The following PGPEP1L variants were observed in gnomAD, a reference collection of about 807,000 sequenced individuals.
PGPEP1L encodes the protein pyroglutamyl-peptidase 1-like protein.
In PGPEP1L, 7 loss-of-function variants were observed where a neutral mutation model predicts 6.0. That is an observed-to-expected ratio of 1.17 (90% CI 0.66 to 2.19). The LOEUF is 2.19. Ranked by LOEUF, PGPEP1L falls within the 30% of genes most tolerant of loss-of-function variation. The probability of loss-of-function intolerance (pLI) is 0.00; values close to 1 mark genes in which losing one functional copy is unlikely to be tolerated. For missense variants in PGPEP1L, 209 were observed against 192.5 expected (o/e 1.09, Z -0.51); for synonymous variants, 103 against 83.9 (o/e 1.23, Z -1.24).
At chr15:98,999,105 G>A (rs546909391) in intron 2 of PGPEP1L, among the ~76,000 whole-genome samples, 31 of 152,264 alleles carry the variant, frequency 2.0e-4, no homozygotes, top group Admixed American at 3.3e-4. Context: ...ACTAGATTCC[G>A]TCAAAATTAA....
intron 2 of PGPEP1L, among the ~76,000 whole-genome samples, chr15:99,002,568 TAATATGTC>T (rs1326001250): frequency 6.6e-6 from 1 of 152,242 alleles, no homozygotes; most frequent in Admixed American, 6.5e-5. Context: ...TTGAAAATGT[TAATATGTC>T]AATATCAGGA....
intron 1 of PGPEP1L, among the ~76,000 whole-genome samples, 153 bp downstream of exon 1, chr15:99,007,206 T>C (rs1326207626): frequency 1.3e-5 from 2 of 152,134 alleles, no homozygotes; most frequent in African/African-American, 2.4e-5. Flanking sequence ...CCTGAGAAGC[T>C]GGGCCCACCT....
At chr15:98,979,198 C>G (rs1013607715) in intron 2 of PGPEP1L, among the ~76,000 whole-genome samples, 1 of 152,054 alleles carries the variant, frequency 6.6e-6, no homozygotes, top group Non-Finnish European at 1.5e-5. Flanking sequence ...TTCATCAAAT[C>G]TAAGTCCCAG....
intron 2 of PGPEP1L, among the ~76,000 whole-genome samples, chr15:98,983,040 AAAAC>A (rs1361228192): frequency 1.3e-5 from 2 of 152,154 alleles, no homozygotes. Flanking sequence ...TCAAGAAAAC[AAAAC>A]AAACCCACTC....
At chr15:98,990,644 A>G (rs1270330198) in intron 2 of PGPEP1L, among the ~76,000 whole-genome samples, 1 of 152,216 alleles carries the variant, frequency 6.6e-6, no homozygotes, top group Non-Finnish European at 1.5e-5. Context: ...CTCCACCCCA[A>G]ATAAACAGAA....
At chr15:99,001,813 G>C in intron 2 of PGPEP1L, among the ~76,000 whole-genome samples, 1 of 152,134 alleles carries the variant, frequency 6.6e-6, no homozygotes, top group Non-Finnish European at 1.5e-5. Flanking sequence ...CGCCTCCTGG[G>C]TTCAAGCAAT....
chr15:99,006,123 T>G (rs554951265), intron 1 of PGPEP1L, among the ~76,000 whole-genome samples: 321 of 152,332 alleles, frequency 2.1e-3, no homozygotes, highest in African/African-American at 7.3e-3. Flanking sequence ...GCCTAGGAGC[T>G]GTGGGTCCTC....
chr15:98,972,355 AAAATAAATAAAT>A lies in PGPEP1L; in HGVS notation c.-141-1209_-141-1198del, dbSNP rs34372599. ...GCAACAAGAGCAAAACTCCGTCTCA[AAAATAAATAAAT>A]AAATAAATAAATAAATAAATAAATA... On this transcript the variant is annotated intron_variant, in intron 2 of 4. Coordinates refer to ENST00000535714, the MANE Select transcript of PGPEP1L (RefSeq NM_001167902.2). 6.8e-3 allele frequency among the ~76,000 whole-genome samples: 988 copies of A among 144,824 alleles called. 11 individuals carry two copies. Among genetic ancestry groups the A allele is most frequent in the Non-Finnish European group, 0.011 (696 of 66,034 alleles).
At position 98,982,657 on chromosome 15, in the gene PGPEP1L, T is replaced by C. The variant is rs531640555; in HGVS notation, c.-141-11499A>G. Among the ~76,000 whole-genome samples, 58 of 149,396 alleles carry C rather than the reference T, an allele frequency of 3.9e-4. 1 individual carries two copies. Among genetic ancestry groups the C allele is most frequent in the Non-Finnish European group, 4.9e-4 (33 of 67,600 alleles). ...GGTCTGTGTAAACTAGAGAGATGTCTGAGGTCTCCCTTCCTCCTCACTCTG... is the reference window on the plus strand; with the variant it reads ...GGTCTGTGTAAACTAGAGAGATGTCCGAGGTCTCCCTTCCTCCTCACTCTG... On this transcript the variant is annotated intron_variant, in intron 2 of 4. Coordinates refer to ENST00000535714, the MANE Select transcript of PGPEP1L (RefSeq NM_001167902.2).
At chr15:98,998,678 A>G (rs2017919769) in intron 2 of PGPEP1L, among the ~76,000 whole-genome samples, 1 of 152,202 alleles carries the variant, frequency 6.6e-6, no homozygotes. Context: ...AATGGACTTA[A>G]ATATAAAAAG....
At chr15:99,007,127 G>C (rs1182705232) in intron 1 of PGPEP1L, among the ~76,000 whole-genome samples, 1 of 152,160 alleles carries the variant, frequency 6.6e-6, no homozygotes, top group Non-Finnish European at 1.5e-5. Flanking sequence ...TCCTGGTGTG[G>C]GCTGCAGGCC....
intron 1 of PGPEP1L, among the ~76,000 whole-genome samples, chr15:99,007,088 T>C (rs1184464359): frequency 6.6e-6 from 1 of 152,220 alleles, no homozygotes; most frequent in Non-Finnish European, 1.5e-5. Flanking sequence ...TCTGGGATTC[T>C]GAACCAGGAA....
At chr15:99,000,200 G>C (rs1012701757) in intron 2 of PGPEP1L, among the ~76,000 whole-genome samples, 1 of 152,244 alleles carries the variant, frequency 6.6e-6, no homozygotes, top group African/African-American at 2.4e-5. Flanking sequence ...TGGGCCAGTA[G>C]CTGCTGTGCT....
At chr15:99,000,127 G>A (rs1054019612) in intron 2 of PGPEP1L, among the ~76,000 whole-genome samples, 4 of 152,234 alleles carry the variant, frequency 2.6e-5, no homozygotes, top group African/African-American at 4.8e-5. Context: ...TGGGCTCCGC[G>A]GGCCCCGCAC....
intron 2 of PGPEP1L, among the ~76,000 whole-genome samples, chr15:98,981,355 T>G (rs988506256): frequency 1.2e-4 from 18 of 151,370 alleles, no homozygotes; most frequent in African/African-American, 4.4e-4. Flanking sequence ...CCGGGCGTGC[T>G]GGCGGGCGCC....
chr15:99,005,838 G>A (rs1368717247), intron 1 of PGPEP1L, among the ~76,000 whole-genome samples, 182 bp from the exon 2 acceptor site: 1 of 152,156 alleles, frequency 6.6e-6, no homozygotes, highest in African/African-American at 2.4e-5. Context: ...GGGACAGAAG[G>A]ATGTCTGGGA....
Position 98,971,029 on chromosome 15 carries a change from CACTT to C in PGPEP1L, c.-19+3_-19+6del, listed in dbSNP as rs767947534. 4.3e-6 allele frequency: 7 copies of C among 1,613,566 alleles called. No individual in the cohort carries two copies. Among genetic ancestry groups the C allele is most frequent in the Non-Finnish European group, 5.9e-6 (7 of 1,179,620 alleles). ...CCCATGCCCCACTGCCTCTGGCCAT[CACTT>C]ACTTGCGGCTGATGATCTTCCCAGA... On this transcript the variant is annotated splice_donor_5th_base_variant and intron_variant, in intron 3 of 4. Transcript: ENST00000535714.
At chr15:98,990,324 TAA>T (rs1395118040) in intron 2 of PGPEP1L, among the ~76,000 whole-genome samples, 1 of 151,570 alleles carries the variant, frequency 6.6e-6, no homozygotes, top group African/African-American at 2.4e-5. Flanking sequence ...TAGTCTCTGT[TAA>T]AAGAGACTTT....
intron 2 of PGPEP1L, among the ~76,000 whole-genome samples, chr15:98,982,519 G>A (rs535294871): frequency 3.3e-5 from 5 of 152,090 alleles, no homozygotes; most frequent in African/African-American, 4.8e-5. Context: ...GGTGTAAGAC[G>A]TCATGGGAAA....
Sources: allele counts gnomAD v4.1 joint callset (sites outside exome capture counted in the v4.1 genomes callset), GRCh38; gene constraint gnomAD v4.1.1; transcripts MANE v1.5; gene names NCBI Gene and HGNC (gene_info 2026-07-23, HGNC 2026-07-21).